Variants in CAMKMT observed in about 807,000 individuals in gnomAD.
CAMKMT encodes CaM KMT.
A neutral mutation model predicts 48.0 loss-of-function variants in CAMKMT; 53 were observed. The observed-to-expected ratio is 1.10, with a 90% CI of 0.89 to 1.39. The LOEUF (loss-of-function observed/expected upper bound fraction) is 1.39, where lower values mean the gene tolerates loss of function less well. Ranked by LOEUF, CAMKMT falls within the 40% of genes most tolerant of loss-of-function variation. The pLI, the probability that CAMKMT is intolerant of heterozygous loss-of-function variation, is 0.00. For missense variants in CAMKMT, 428 were observed against 402.7 expected (o/e 1.06, Z -0.54); for synonymous variants, 165 against 152.3 (o/e 1.08, Z -0.61).
At chr2:44,366,037 A>G (rs1400045999) in intron 1 of CAMKMT, among the ~76,000 whole-genome samples, 1 of 152,248 alleles carries the variant, frequency 6.6e-6, no homozygotes, top group African/African-American at 2.4e-5. Context: ...AATTCTTCAA[A>G]TGTTTATAGT....
At chr2:44,759,616 C>G (rs1325632513) in intron 9 of CAMKMT, among the ~76,000 whole-genome samples, 1 of 152,130 alleles carries the variant, frequency 6.6e-6, no homozygotes, top group African/African-American at 2.4e-5. Context: ...CCCAGCGACT[C>G]CTCACCAGTG....
At chr2:44,367,036 C>T (rs1192368182) in intron 1 of CAMKMT, among the ~76,000 whole-genome samples, 3 of 152,042 alleles carry the variant, frequency 2.0e-5, no homozygotes, top group Non-Finnish European at 4.4e-5. Flanking sequence ...GTTGCTGTGT[C>T]TTAAAAACGG....
intron 3 of CAMKMT, among the ~76,000 whole-genome samples, chr2:44,673,484 A>AGGAAGGAG (rs1214624636): frequency 7.8e-6 from 1 of 128,054 alleles, no homozygotes; most frequent in African/African-American, 3.1e-5. Context: ...GAAGGAAGGA[A>AGGAAGGAG]GGAAGGAAGG....
Position 44,535,977 on chromosome 2 carries a change from C to G in CAMKMT, c.376+145672C>G, listed in dbSNP as rs563749559. On this transcript the variant is annotated intron_variant, in intron 3 of 10. Coordinates refer to ENST00000378494, the MANE Select transcript of CAMKMT (RefSeq NM_024766.5). ...TTATATTTAGAAAAACCAAAAGACT[C>G]CACCAAAAAACTCATTAAACTGTTA... is the stretch of plus-strand genomic sequence containing the variant. 2.0e-5 allele frequency among the ~76,000 whole-genome samples: 3 copies of G among 152,216 alleles called. No homozygotes were observed. In the South Asian group the frequency reaches 6.2e-4, roughly 32 times the overall value.
chr2:44,717,839 A>AT (rs1366799297), intron 7 of CAMKMT, among the ~76,000 whole-genome samples: 1 of 148,110 alleles, frequency 6.8e-6, no homozygotes, highest in Admixed American at 6.8e-5. Context: ...AAGAAATGGT[A>AT]TTTAAAAAAA....
chr2:44,466,792 C>T (rs2104636878), intron 3 of CAMKMT, among the ~76,000 whole-genome samples: 2 of 152,140 alleles, frequency 1.3e-5, no homozygotes, highest in Middle Eastern at 3.4e-3. Context: ...AGACAAGACT[C>T]CAATAACAAA....
intron 3 of CAMKMT, among the ~76,000 whole-genome samples, chr2:44,696,267 A>G (rs1052850747): frequency 6.6e-6 from 1 of 152,184 alleles, no homozygotes; most frequent in Non-Finnish European, 1.5e-5. Context: ...ACATTATAGC[A>G]AATATTTACA....
At chr2:44,753,458 C>T (rs978520863) in intron 8 of CAMKMT, among the ~76,000 whole-genome samples, 2 of 150,918 alleles carry the variant, frequency 1.3e-5, no homozygotes, top group Non-Finnish European at 3.0e-5. Flanking sequence ...AACAAAAAAT[C>T]AATGTAGAGG....
At chr2:44,416,483 G>T (rs1330467775) in intron 3 of CAMKMT, among the ~76,000 whole-genome samples, 1 of 149,670 alleles carries the variant, frequency 6.7e-6, no homozygotes, top group Non-Finnish European at 1.5e-5. Context: ...TGTCACTATT[G>T]ATTAGATTAA....
chr2:44,457,538 ACAGGTGCGTGTCACCACG>A (rs1365366421), intron 3 of CAMKMT, among the ~76,000 whole-genome samples: 1 of 151,690 alleles, frequency 6.6e-6, no homozygotes, highest in Non-Finnish European at 1.5e-5. Context: ...AGCTGGGACT[ACAGGTGCGTGTCACCACG>A]CCCGGCTAAT....
At chr2:44,635,333 C>T (rs534947134) in intron 3 of CAMKMT, among the ~76,000 whole-genome samples, 1 of 152,162 alleles carries the variant, frequency 6.6e-6, no homozygotes, top group South Asian at 2.1e-4. Flanking sequence ...CTACTGGCCT[C>T]CAAAGTTTTC....
At chr2:44,591,415 C>A (rs1452008593) in intron 3 of CAMKMT, among the ~76,000 whole-genome samples, 2 of 151,910 alleles carry the variant, frequency 1.3e-5, no homozygotes, top group Non-Finnish European at 2.9e-5. Flanking sequence ...TTGTTTGTAT[C>A]CTCTTTTATT....
chr2:44,584,562 G>A (rs997780824), intron 3 of CAMKMT, among the ~76,000 whole-genome samples: 2 of 152,168 alleles, frequency 1.3e-5, no homozygotes, highest in Admixed American at 1.3e-4. Context: ...ATCTGATTCT[G>A]TGTATTGTGG....
intron 3 of CAMKMT, among the ~76,000 whole-genome samples, chr2:44,678,005 A>G (rs1283042449): frequency 6.6e-6 from 1 of 152,158 alleles, no homozygotes; most frequent in Non-Finnish European, 1.5e-5. Context: ...GTACTATGAA[A>G]ATTTTACAAT....
At chr2:44,621,952 A>C (rs1001085344) in intron 3 of CAMKMT, among the ~76,000 whole-genome samples, 1 of 152,208 alleles carries the variant, frequency 6.6e-6, no homozygotes, top group African/African-American at 2.4e-5. Flanking sequence ...AAATACATGA[A>C]TTCAAGATGT....
intron 3 of CAMKMT, among the ~76,000 whole-genome samples, chr2:44,632,995 A>G (rs964714044): frequency 6.6e-6 from 1 of 152,052 alleles, no homozygotes; most frequent in African/African-American, 2.4e-5. Context: ...ATATATATCT[A>G]TCCTATTAGT....
intron 3 of CAMKMT, among the ~76,000 whole-genome samples, chr2:44,642,692 A>T (rs1031171602): frequency 6.6e-6 from 1 of 152,026 alleles, no homozygotes; most frequent in African/African-American, 2.4e-5. Flanking sequence ...CCTGGTGAAC[A>T]TGTCTAAACT....
intron 3 of CAMKMT, among the ~76,000 whole-genome samples, chr2:44,547,290 G>A (rs569930594): frequency 4.0e-4 from 61 of 152,132 alleles, no homozygotes; most frequent in Non-Finnish European, 7.2e-4. Context: ...TATGCTGATA[G>A]TTGGAAAGAC....
At chr2:44,738,586 C>G (rs911354355) in intron 7 of CAMKMT, among the ~76,000 whole-genome samples, 2 of 152,190 alleles carry the variant, frequency 1.3e-5, no homozygotes, top group African/African-American at 4.8e-5. Context: ...ATTTATTGAA[C>G]AGCTATTAGG....
Sources: gnomAD v4.1 joint callset for allele counts (sites outside exome capture counted in the v4.1 genomes callset) on GRCh38, gnomAD v4.1.1 for gene constraint, MANE v1.5 for transcripts, NCBI Gene and HGNC (gene_info 2026-07-23, HGNC 2026-07-21) for gene names.